ROBO2: variants seen among roughly 807,000 people sequenced by gnomAD.
The protein encoded by ROBO2 is roundabout guidance receptor 2, also known as roundabout homolog 2.
ROBO2 carries 53 observed loss-of-function variants against 160.8 expected under a neutral mutation model. The ratio of observed to expected loss-of-function variants is 0.33; its 90% CI spans 0.26 to 0.41. The LOEUF is 0.41. Ranked by LOEUF, ROBO2 falls within the 10% of genes least tolerant of loss-of-function variation. The pLI is 1.00. For synonymous variants in ROBO2, 664 were observed against 611.7 expected, an observed-to-expected ratio of 1.09 and a Z score of -1.26; for missense variants, 1,577 against 1,722.4, an observed-to-expected ratio of 0.92 and a Z score of 1.49.
intron 2 of ROBO2, among the ~76,000 whole-genome samples, chr3:76,044,362 T>A (rs1435604531): frequency 1.3e-5 from 2 of 152,040 alleles, no homozygotes; most frequent in Non-Finnish European, 2.9e-5. Context: ...CAATGTTGAA[T>A]AAAGAGTATA....
intron 2 of ROBO2, among the ~76,000 whole-genome samples, chr3:76,774,040 T>C (rs1351547679): frequency 6.6e-6 from 1 of 150,918 alleles, no homozygotes; most frequent in Non-Finnish European, 1.5e-5. Flanking sequence ...ATGATGTTGT[T>C]ATTTCTGTGG....
chr3:77,572,291 C>A (rs541215553), intron 13 of ROBO2, among the ~76,000 whole-genome samples: 1 of 152,076 alleles, frequency 6.6e-6, no homozygotes, highest in Admixed American at 6.6e-5. Flanking sequence ...ACATATACTG[C>A]AAGGGTTTTT....
intron 2 of ROBO2, among the ~76,000 whole-genome samples, chr3:77,284,411 C>A (rs1267783830): frequency 6.6e-6 from 1 of 152,102 alleles, no homozygotes; most frequent in Non-Finnish European, 1.5e-5. Context: ...ATAATGGTAC[C>A]TAGCCGTGAT....
chr3:77,027,224 G>A (rs139290438), intron 2 of ROBO2, among the ~76,000 whole-genome samples: 1 of 152,232 alleles, frequency 6.6e-6, no homozygotes, highest in Non-Finnish European at 1.5e-5. Context: ...CCCCTCATAT[G>A]TCTTTCTGAT....
intron 2 of ROBO2, among the ~76,000 whole-genome samples, chr3:76,426,233 A>G (rs1197020987): frequency 6.6e-6 from 1 of 152,184 alleles, no homozygotes; most frequent in African/African-American, 2.4e-5. Flanking sequence ...GACTAGTACC[A>G]CTTTGACAGC....
intron 2 of ROBO2, among the ~76,000 whole-genome samples, chr3:76,007,283 G>A (rs1576456109): frequency 6.6e-6 from 1 of 152,130 alleles, no homozygotes; most frequent in East Asian, 1.9e-4. Context: ...CAGAGATTAT[G>A]CATTTTTCTT....
chr3:76,185,195 G>GATATATATATATATATATTTATATATAT (rs1701688287), intron 2 of ROBO2, among the ~76,000 whole-genome samples: 1 of 44,496 alleles, frequency 2.2e-5, no homozygotes, highest in Non-Finnish European at 5.1e-5. Flanking sequence ...AGTAAACACA[G>GATATATATATATATATATTTATATATAT]ATATATATAT....
intron 2 of ROBO2, among the ~76,000 whole-genome samples, chr3:76,842,543 T>G (rs2068386697): frequency 6.6e-6 from 1 of 152,162 alleles, no homozygotes; most frequent in African/African-American, 2.4e-5. Context: ...ATTTGCTGGA[T>G]TTGATTGTCC....
chr3:77,128,602 T>C (rs1299050746), intron 2 of ROBO2, among the ~76,000 whole-genome samples: 1 of 152,250 alleles, frequency 6.6e-6, no homozygotes, highest in Non-Finnish European at 1.5e-5. Context: ...TATTTTGCTT[T>C]CTTGTATGAA....
intron 22 of ROBO2, among the ~76,000 whole-genome samples, chr3:77,621,929 A>C (rs777032260): frequency 1.3e-5 from 2 of 152,174 alleles, no homozygotes; most frequent in Non-Finnish European, 2.9e-5. Context: ...CTCGTGGCGA[A>C]TATTCCTAGT....
chr3:76,989,960 G>A (rs573063979), intron 2 of ROBO2, among the ~76,000 whole-genome samples: 38 of 152,166 alleles, frequency 2.5e-4, no homozygotes, highest in African/African-American at 8.7e-4. Context: ...CCTATTATTA[G>A]CATTAAACCT....
At chr3:76,726,127 T>A (rs888684272) in intron 2 of ROBO2, among the ~76,000 whole-genome samples, 6 of 152,118 alleles carry the variant, frequency 3.9e-5, no homozygotes, top group Non-Finnish European at 8.8e-5. Context: ...CAAAGAAAAT[T>A]TGCACAGACT....
At chr3:77,013,622 G>A (rs1354693940) in intron 2 of ROBO2, among the ~76,000 whole-genome samples, 1 of 151,994 alleles carries the variant, frequency 6.6e-6, no homozygotes, top group Non-Finnish European at 1.5e-5. Flanking sequence ...TTGGTGTAAT[G>A]TGGTATGTCT....
chr3:76,160,235 CTT>C (rs2072567566), intron 2 of ROBO2, among the ~76,000 whole-genome samples: 1 of 152,084 alleles, frequency 6.6e-6, no homozygotes, highest in East Asian at 1.9e-4. Flanking sequence ...TTGCTTTTCT[CTT>C]GTTACTCTTC....
intron 2 of ROBO2, among the ~76,000 whole-genome samples, chr3:76,535,579 A>G (rs1362406021): frequency 6.6e-6 from 1 of 152,142 alleles, no homozygotes; most frequent in Non-Finnish European, 1.5e-5. Context: ...GCTGTAGCCC[A>G]GGAATAGTCA....
At chr3:76,183,367 A>C (rs1035715304) in intron 2 of ROBO2, among the ~76,000 whole-genome samples, 4 of 152,126 alleles carry the variant, frequency 2.6e-5, no homozygotes, top group African/African-American at 9.7e-5. Flanking sequence ...GCCCAAATTC[A>C]AGAATAGGAG....
chr3:77,488,254 G>T (rs1443801284), intron 4 of ROBO2, among the ~76,000 whole-genome samples: 1 of 152,118 alleles, frequency 6.6e-6, no homozygotes, highest in Non-Finnish European at 1.5e-5. Context: ...TTATGCAGGT[G>T]ATTCAAATCC....
chr3:76,210,752 A>T (rs1222981551), intron 2 of ROBO2, among the ~76,000 whole-genome samples: 2 of 152,098 alleles, frequency 1.3e-5, no homozygotes, highest in Non-Finnish European at 1.5e-5. Flanking sequence ...AAAGTATCTA[A>T]TCATGCAAGT....
Position 76,737,102 on chromosome 3 carries a change from C to A in ROBO2, c.110-360912C>A, listed in dbSNP as rs184716009. ...ATGTTGTAAGAATCACATGTTTTTA[C>A]GTGCAATAATTATAACCATAGCTTC... On this transcript the variant is annotated intron_variant, in intron 2 of 26. Coordinates refer to the ROBO2 transcript ENST00000487694. Among the ~76,000 whole-genome samples, 4 of 152,216 alleles carry A rather than the reference C, an allele frequency of 2.6e-5. 1 individual carries two copies. The East Asian group carries it at 7.7e-4, about 29-fold the overall frequency.
Sources: allele counts gnomAD v4.1 joint callset (sites outside exome capture counted in the v4.1 genomes callset), GRCh38; gene constraint gnomAD v4.1.1; transcripts MANE v1.5; gene names NCBI Gene and HGNC (gene_info 2026-07-23, HGNC 2026-07-21).